SUSD1: variants seen among roughly 807,000 people sequenced by gnomAD.
SUSD1 encodes sushi domain-containing protein 1.
In SUSD1, 65 loss-of-function variants were observed where a neutral mutation model predicts 86.9. The ratio of observed to expected loss-of-function variants is 0.75; its 90% CI spans 0.61 to 0.92. The LOEUF is 0.92. Ranked by LOEUF, SUSD1 falls within the 40% of genes least tolerant of loss-of-function variation. The pLI, the probability that SUSD1 is intolerant of heterozygous loss-of-function variation, is 0.00. For missense variants in SUSD1, 850 were observed against 929.7 expected, an observed-to-expected ratio of 0.91 and a Z score of 1.11; for synonymous variants, 346 against 350.0, an observed-to-expected ratio of 0.99 and a Z score of 0.13.
chr9:112,146,826 A>T (rs1832828288), intron 3 of SUSD1, among the ~76,000 whole-genome samples: 1 of 152,054 alleles, frequency 6.6e-6, no homozygotes, highest in Admixed American at 6.6e-5. Context: ...TGTAAAGATG[A>T]AGTCTCATTA....
At chr9:112,095,744 A>G (rs1173681217) in intron 10 of SUSD1, among the ~76,000 whole-genome samples, 1 of 152,218 alleles carries the variant, frequency 6.6e-6, no homozygotes, top group African/African-American at 2.4e-5. Context: ...AAATTCAGAG[A>G]AAAGAGTCAG....
At chr9:112,142,732 A>G (rs1009306918) in intron 4 of SUSD1, 1 of 440,776 alleles carries the variant, frequency 2.3e-6, no homozygotes, top group Non-Finnish European at 4.0e-6. Context: ...GAAATAACTT[A>G]GCAATCAACC....
intron 8 of SUSD1, among the ~76,000 whole-genome samples, chr9:112,108,159 T>C (rs1387256765): frequency 1.3e-5 from 2 of 152,218 alleles, no homozygotes; most frequent in Admixed American, 6.5e-5. Context: ...AGTAATTATA[T>C]AATGCTTTGA....
intron 12 of SUSD1, among the ~76,000 whole-genome samples, chr9:112,070,226 G>A (rs571288546): frequency 5.9e-4 from 89 of 152,114 alleles, no homozygotes; most frequent in Middle Eastern, 3.4e-3. Flanking sequence ...GGCTGGTCCC[G>A]AACTCCTGAC....
intron 10 of SUSD1, among the ~76,000 whole-genome samples, chr9:112,081,457 A>G (rs1439031680): frequency 1.3e-5 from 2 of 152,244 alleles, no homozygotes; most frequent in African/African-American, 4.8e-5. Context: ...GGTAAGGAAC[A>G]GGAGGAGTAC....
rs758442726 is a variant in SUSD1 at position 112,170,710 on chromosome 9, T to TATATATAGAGAGAGAG, written c.103+4422_103+4423insCTCTCTCTCTATATAT. Among the ~76,000 whole-genome samples, 105 of 113,820 alleles carry TATATATAGAGAGAGAG rather than the reference T, an allele frequency of 9.2e-4. 1 individual carries two copies. The highest frequency in any genetic ancestry group is 1.6e-3 in the African/African-American group (43 of 26,318). The allele number at this position is 113,820 out of a possible 152,430, so 74.7% of individuals were successfully genotyped here. The stretch of plus-strand genomic sequence containing the variant: ...GCCAGATCATATATATATATATATA[T>TATATATAGAGAGAGAG]AGAGAGAGAGAGAGAGAGAGAGAGA... On this transcript the variant is annotated intron_variant, in intron 1 of 16. Transcript: ENST00000374270.
At chr9:112,120,211 G>A (rs896272500) in intron 6 of SUSD1, among the ~76,000 whole-genome samples, 5 of 152,118 alleles carry the variant, frequency 3.3e-5, no homozygotes, top group African/African-American at 1.2e-4. Context: ...GGAGGCTGAG[G>A]CAGAAGGATC....
rs747103210 is a variant in SUSD1 at position 112,111,838 on chromosome 9, T to C, written c.987A>G (p.Ile329Met). 4 of 1,613,670 alleles carry C rather than the reference T, an allele frequency of 2.5e-6. No homozygotes were observed. The highest frequency in any genetic ancestry group is 3.4e-6 in the Non-Finnish European group (4 of 1,179,856). Residue 329 changes from isoleucine to methionine, a missense_variant and splice_region_variant, in exon 8 of 17, where the codon ATA (isoleucine) becomes ATG (methionine). Ile to Met is a conservative substitution (Grantham distance 10). Coordinates refer to ENST00000374270, the MANE Select transcript of SUSD1 (RefSeq NM_022486.5). ...RRINPKISYV[I>M]SIKGQRLDPM... ...GGTCCAACCGTTGTCCTTTTATGGA[T>C]ATCTTTGAGAGGAAAAGACAAGAGA...
At chr9:112,071,000 G>A (rs1027475783) in intron 12 of SUSD1, among the ~76,000 whole-genome samples, 15 of 152,040 alleles carry the variant, frequency 9.9e-5, no homozygotes, top group Non-Finnish European at 4.4e-5. Context: ...TTTGTTTGTT[G>A]TAGAAAAGTG....
intron 9 of SUSD1, among the ~76,000 whole-genome samples, chr9:112,099,427 C>A (rs1184459745): frequency 6.6e-6 from 1 of 151,982 alleles, no homozygotes; most frequent in Non-Finnish European, 1.5e-5. Flanking sequence ...GTTCCTTAAC[C>A]CTACCCATGG....
At chr9:112,101,708 G>T (rs1212570792) in intron 9 of SUSD1, among the ~76,000 whole-genome samples, 1 of 152,094 alleles carries the variant, frequency 6.6e-6, no homozygotes, top group Non-Finnish European at 1.5e-5. Flanking sequence ...AGCTGGGCGT[G>T]GTGGCTCATG....
At chr9:112,105,461 G>A (rs1241185775) in intron 8 of SUSD1, among the ~76,000 whole-genome samples, 5 of 152,188 alleles carry the variant, frequency 3.3e-5, no homozygotes, top group Admixed American at 1.3e-4. Flanking sequence ...GCTCACGCCT[G>A]TAATCCCAGC....
At chr9:112,078,481 C>CAAT in intron 12 of SUSD1, 57 bp downstream of exon 12, 1 of 1,510,898 alleles carries the variant, frequency 6.6e-7, no homozygotes, top group Non-Finnish European at 9.1e-7. Flanking sequence ...TTTATCAGGA[C>CAAT]CTATGAACAA....
chr9:112,162,795 T>C (rs893406959), intron 1 of SUSD1, among the ~76,000 whole-genome samples: 3 of 152,134 alleles, frequency 2.0e-5, no homozygotes, highest in Non-Finnish European at 2.9e-5. Flanking sequence ...GATCGCTATC[T>C]CTCCTCATGG....
intron 5 of SUSD1, among the ~76,000 whole-genome samples, chr9:112,131,844 A>G (rs1832048518): frequency 6.6e-6 from 1 of 152,214 alleles, no homozygotes; most frequent in Admixed American, 6.5e-5. Context: ...ACAGTCAACT[A>G]ATTATGAGCA....
intron 1 of SUSD1, among the ~76,000 whole-genome samples, chr9:112,159,630 C>A (rs1482179802): frequency 6.6e-6 from 1 of 152,150 alleles, no homozygotes; most frequent in Non-Finnish European, 1.5e-5. Flanking sequence ...AAAAAACATA[C>A]TTGCAAACCA....
chr9:112,162,264 G>A (rs1833604006), intron 1 of SUSD1, among the ~76,000 whole-genome samples: 1 of 152,076 alleles, frequency 6.6e-6, no homozygotes, highest in South Asian at 2.1e-4. Context: ...TTCACTTGGG[G>A]GCTAATATAA....
At chr9:112,109,462 A>T (rs1270288185) in intron 8 of SUSD1, among the ~76,000 whole-genome samples, 1 of 152,260 alleles carries the variant, frequency 6.6e-6, no homozygotes, top group Non-Finnish European at 1.5e-5. Context: ...ATGTGGAAAC[A>T]TACCTTGCTC....
In SUSD1 at chr9:112,062,918, A is replaced by T. The variant is rs1464072137; in HGVS notation, c.1850+19T>A. The T allele has an allele frequency of 2.6e-6, 4 of 1,548,512 alleles. No individual in the cohort carries two copies. Among genetic ancestry groups the T allele is most frequent in the Non-Finnish European group, 3.6e-6 (4 of 1,125,352 alleles). ...CATGGGGATCACTGGGCAACCGTGG[A>T]GAAAGGACAGCTACTGACCTGATTG... is the stretch of plus-strand genomic sequence containing the variant. On this transcript the variant is annotated intron_variant, in intron 13 of 16. Transcript: ENST00000374270.
Sources: allele counts gnomAD v4.1 joint callset (sites outside exome capture counted in the v4.1 genomes callset), GRCh38; gene constraint gnomAD v4.1.1; transcripts MANE v1.5; gene names NCBI Gene and HGNC (gene_info 2026-07-23, HGNC 2026-07-21).